Variants in NLRP5 observed in about 807,000 individuals in gnomAD.
NLRP5 encodes the protein NACHT, LRR and PYD domains-containing protein 5.
A neutral mutation model predicts 113.1 loss-of-function variants in NLRP5; 93 were observed. The ratio of observed to expected loss-of-function variants is 0.82; its 90% confidence interval spans 0.70 to 0.98. The LOEUF (loss-of-function observed/expected upper bound fraction) is 0.98, where lower values mean the gene tolerates loss of function less well. NLRP5 is among the 50% of genes least tolerant of loss of function. NLRP5 has a pLI of 0.00. For missense variants in NLRP5, 1,808 were observed against 1,514.3 expected, an observed-to-expected ratio of 1.19 and a Z score of -3.22; for synonymous variants, 751 against 600.7, an observed-to-expected ratio of 1.25 and a Z score of -3.66.
rs1055702517 is a variant in NLRP5 at position 56,058,478 on chromosome 19, G to A, written c.3470+68G>A. Reference sequence around the variant, plus strand: ...TGTTCCAGGCTTGTTAGCTGGTGGAGAAGCAGTTTATGGGAAAAGTTGACG... The same window carrying A: ...TGTTCCAGGCTTGTTAGCTGGTGGAAAAGCAGTTTATGGGAAAAGTTGACG... On this transcript the variant is annotated intron_variant, in intron 14 of 14. Coordinates refer to ENST00000390649, the MANE Select transcript of NLRP5 (RefSeq NM_153447.4). The A allele has an allele frequency of 4.2e-6, 6 of 1,434,732 alleles. No homozygotes were observed. The African/African-American group carries it at 7.1e-5, about 17-fold the overall frequency. 88.9% of individuals were successfully genotyped at this position (1,434,732 alleles called of 1,614,324 possible). A position where few individuals can be genotyped will look rare whatever the true frequency, so the allele number is the denominator to read the frequency against.
chr19:56,030,714 C>CTTCTTCTTTTTTTTTTTT lies in NLRP5; in HGVS notation c.2277-1895_2277-1894insCTTCTTTTTTTTTTTTTT, dbSNP rs1555767859. The stretch of plus-strand genomic sequence containing the variant: ...ACTTACATTCATTCGCTTTCTTCTT[C>CTTCTTCTTTTTTTTTTTT]TTTTTTTTTTTTTTTTTTGAGACGG... On this transcript the variant is annotated intron_variant, in intron 7 of 14. Coordinates refer to ENST00000390649, the MANE Select transcript of NLRP5 (RefSeq NM_153447.4). Among the ~76,000 whole-genome samples, 30 of 71,354 alleles carry CTTCTTCTTTTTTTTTTTT rather than the reference C, an allele frequency of 4.2e-4. 1 individual carries two copies. The highest frequency in any genetic ancestry group is 1.9e-3 in the African/African-American group (26 of 13,964). 46.8% of individuals were successfully genotyped at this position (71,354 alleles called of 152,430 possible).
chr19:56,040,956 CAG>C lies in NLRP5; in HGVS notation c.2824_2825del (p.Leu943GlyfsTer38). ...CTGTGGCATCACAGCCACGGGTTGC[CAG>C]AGTCTGGCCTCAGCCCTCGTCAGCA... On this transcript the variant is annotated frameshift_variant, in exon 11 of 15. Transcript: ENST00000390649. LOFTEE classifies it high-confidence loss of function. The C allele has an allele frequency of 1.9e-6, 3 of 1,613,920 alleles. No homozygotes were observed. The highest frequency in any genetic ancestry group is 2.5e-6 in the Non-Finnish European group (3 of 1,179,864).
chr19:55,996,069 A>C (rs1012943069), upstream of NLRP5, among the ~76,000 whole-genome samples: 6 of 152,268 alleles, frequency 3.9e-5, no homozygotes, highest in Non-Finnish European at 7.4e-5. Flanking sequence ...TTCTAAATGA[A>C]AGATTATATT....
In NLRP5 at chr19:56,055,533, C is replaced by CTTTTTTTTTTTTTTTTTTTTTTTTTT. The variant is rs1491011983; in HGVS notation, c.3299+1726_3299+1727insTTTTTTTTTTTTTTTTTTTTTTTTTT. ...AGCTCCATGTTCTATTTTTCTTTCT[C>CTTTTTTTTTTTTTTTTTTTTTTTTTT]TGTCTTTTTTTTTTTTTTTTTTTTT... On this transcript the variant is annotated intron_variant, in intron 13 of 14. Transcript: ENST00000390649. 1.3e-3 allele frequency among the ~76,000 whole-genome samples: 126 copies of CTTTTTTTTTTTTTTTTTTTTTTTTTT among 99,512 alleles called. 10 individuals carry two copies. The highest frequency in any genetic ancestry group is 2.1e-3 in the Non-Finnish European group (99 of 48,236). 65.3% of individuals were successfully genotyped at this position (99,512 alleles called of 152,430 possible).
At chr19:55,995,774 T>C (rs117693081), upstream of NLRP5, among the ~76,000 whole-genome samples, 4,265 of 152,232 alleles carry the variant, frequency 0.028, 92 homozygotes, top group Middle Eastern at 0.054. Context: ...ATTCTGTGGG[T>C]TTTACTATAG....
chr19:56,008,099 T>C (rs1420872632), intron 2 of NLRP5, among the ~76,000 whole-genome samples: 1 of 144,510 alleles, frequency 6.9e-6, no homozygotes, highest in Non-Finnish European at 1.5e-5. Flanking sequence ...CGGCTAATTT[T>C]TTGTATTTTT....
chr19:56,020,294 T>C, intron 5 of NLRP5, 81 bp from the exon 6 acceptor site: 6 of 1,545,362 alleles, frequency 3.9e-6, no homozygotes, highest in Non-Finnish European at 5.3e-6. Context: ...AAATATGGCA[T>C]GACTAAGCTT....
At chr19:55,994,809 C>T (rs78934252), upstream of NLRP5, among the ~76,000 whole-genome samples, 4,488 of 152,212 alleles carry the variant, frequency 0.029, 164 homozygotes, top group African/African-American at 0.069. Context: ...AAGTCTTAGC[C>T]GCAAAATATT....
At chr19:56,045,386 A>G (rs1315367086) in intron 11 of NLRP5, among the ~76,000 whole-genome samples, 2 of 152,172 alleles carry the variant, frequency 1.3e-5, no homozygotes, top group Non-Finnish European at 2.9e-5. Context: ...AGAGTCAGCG[A>G]AGGGTGATGG....
the NLRP5 span, among the ~76,000 whole-genome samples, chr19:55,990,095 T>C: frequency 1.4e-5 from 2 of 139,228 alleles, no homozygotes; most frequent in Admixed American, 7.2e-5. Flanking sequence ...TTTTTTTTTT[T>C]TTTTTTTTTT....
At chr19:56,039,152 G>A (rs1395253230) in intron 10 of NLRP5, among the ~76,000 whole-genome samples, 3 of 152,242 alleles carry the variant, frequency 2.0e-5, no homozygotes, top group Non-Finnish European at 2.9e-5. Context: ...TAACCCTATC[G>A]ACAGATGAGA....
At chr19:56,057,714 C>CCT (rs1317227763) in intron 13 of NLRP5, among the ~76,000 whole-genome samples, 5 of 152,224 alleles carry the variant, frequency 3.3e-5, no homozygotes, top group Admixed American at 3.3e-4. Flanking sequence ...AGTAGCCTCA[C>CCT]CTGGGAACTC....
rs1329138726 is a variant in NLRP5 at position 56,028,285 on chromosome 19, C to A, written c.2052C>A (p.Thr684=). The change falls in exon 7 of 15, where the codon ACC becomes ACA. Residue 684 remains threonine (T), a synonymous_variant. Coordinates refer to ENST00000390649, the MANE Select transcript of NLRP5 (RefSeq NM_153447.4). ...CTAATGCCACCACCCCAGGAGACACCCTGGACGCCTTCCACTGTCTTTTCG... is the reference window on the plus strand; with the variant it reads ...CTAATGCCACCACCCCAGGAGACACACTGGACGCCTTCCACTGTCTTTTCG... The A allele has an allele frequency of 1.9e-6, 3 of 1,613,796 alleles. No homozygotes were observed. The South Asian group carries it at 3.3e-5, about 18-fold the overall frequency.
chr19:56,027,705 T>G lies in NLRP5; in HGVS notation c.1472T>G (p.Val491Gly), dbSNP rs759978535. ...CTGCAGGACGTGGTGGGGGAGAGCG[T>G]CGCCCCCTTCAACCAAACGCTCACA... Residue 491 changes from valine (V) to glycine (G), a missense_variant, in exon 7 of 15, where the codon GTC (valine) becomes GGC (glycine). Val to Gly is a moderately radical substitution (Grantham distance 109, BLOSUM62 -3). Transcript: ENST00000390649. 9 of 1,613,520 alleles carry G rather than the reference T, an allele frequency of 5.6e-6. No individual in the cohort carries two copies. Among genetic ancestry groups the G allele is most frequent in the Non-Finnish European group, 7.6e-6 (9 of 1,179,876 alleles).
At chr19:56,050,631 G>GTTGACCCAACCCCCTT (rs1489437351) in intron 12 of NLRP5, 43 bp downstream of exon 12, 9 of 1,573,362 alleles carry the variant, frequency 5.7e-6, no homozygotes, top group Non-Finnish European at 7.8e-6. Flanking sequence ...TCATACTGGG[G>GTTGACCCAACCCCCTT]TCTGGAGTTC....
rs369054920 is a variant in NLRP5 at position 56,027,451 on chromosome 19, C to A, written c.1218C>A (p.Ile406=). The A allele has an allele frequency of 9.6e-5, 155 of 1,613,646 alleles. No individual in the cohort carries two copies. In the South Asian group the frequency reaches 1.1e-3, roughly 11 times the overall value. Residue 406 remains isoleucine, a synonymous_variant, in exon 7 of 15, where the codon ATC becomes ATA. Transcript: ENST00000390649. ...TCCTGCTCCCTGAGTCCTTCCTGAT[C>A]GTCACCGTCAGAGACGTGGGCACAG... is the stretch of plus-strand genomic sequence containing the variant.
Position 56,027,300 on chromosome 19 carries a change from G to A in NLRP5, c.1067G>A (p.Arg356Lys), listed in dbSNP as rs757281919. 1 of 1,612,172 alleles carries A rather than the reference G, an allele frequency of 6.2e-7. No individual in the cohort carries two copies. The highest frequency in any genetic ancestry group is 8.5e-7 in the Non-Finnish European group (1 of 1,179,878). The change falls in exon 7 of 15, where the codon AGG becomes AAG. Residue 356 changes from arginine to lysine, a missense_variant. Physicochemically the swap from Arg to Lys is conservative, Grantham distance 26 (BLOSUM62 2). Transcript: ENST00000390649. The stretch of plus-strand genomic sequence containing the variant: ...ACGGAGATCATGTCCCGACCAGAAA[G>A]GCTGTTGTTCATCATTGACGGTTTC...
chr19:56,040,514 C>CTGAGATCA (rs1460524212), intron 10 of NLRP5, among the ~76,000 whole-genome samples: 3 of 152,178 alleles, frequency 2.0e-5, no homozygotes, highest in Non-Finnish European at 4.4e-5. Context: ...TTGCAGTGAG[C>CTGAGATCA]TGAGATCATG....
In NLRP5 at chr19:56,026,948, G is replaced by C; in HGVS notation, c.715G>C (p.Val239Leu). Residue 239 changes from valine (V) to leucine (L), a missense_variant, in exon 7 of 15, where the codon GTG becomes CTG. Coordinates refer to ENST00000390649, the MANE Select transcript of NLRP5 (RefSeq NM_153447.4). ...TGACACATGGGACTACAAGAGTCAC[G>C]TGATGACCAAATTCGCTGAGGAGGA... The C allele has an allele frequency of 6.4e-7, 1 of 1,551,682 alleles. No individual in the cohort carries two copies. The highest frequency in any genetic ancestry group is 8.7e-7 in the Non-Finnish European group (1 of 1,146,992).
Sources: allele counts gnomAD v4.1 joint callset (sites outside exome capture counted in the v4.1 genomes callset), GRCh38; gene constraint gnomAD v4.1.1; transcripts MANE v1.5; gene names NCBI Gene and HGNC (gene_info 2026-07-23, HGNC 2026-07-21).